CDH12: variants seen among roughly 807,000 people sequenced by gnomAD.
The protein encoded by CDH12 is cadherin 12, also known as cadherin-12.
Under a neutral mutation model 74.1 loss-of-function variants are expected in CDH12, and 41 were observed. That is an observed-to-expected ratio of 0.55 (90% CI 0.43 to 0.72). The LOEUF (loss-of-function observed/expected upper bound fraction) is 0.72, where lower values mean the gene tolerates loss of function less well. CDH12 is among the 30% of genes least tolerant of loss of function. The pLI is 0.00. For synonymous variants in CDH12, 399 were observed against 355.0 expected (o/e 1.12, Z -1.39); for missense variants, 945 against 977.2 (o/e 0.97, Z 0.44).
intron 3 of CDH12, among the ~76,000 whole-genome samples, chr5:22,321,239 C>A (rs1738864874): frequency 6.6e-6 from 1 of 150,972 alleles, no homozygotes; most frequent in Admixed American, 6.6e-5. Context: ...GACTTGGAAC[C>A]AACCCAAATG....
intron 5 of CDH12, among the ~76,000 whole-genome samples, chr5:22,049,611 A>G (rs940711278): frequency 6.6e-6 from 1 of 152,004 alleles, no homozygotes; most frequent in African/African-American, 2.4e-5. Flanking sequence ...AATTACTCTT[A>G]TCATTTCTTT....
intron 5 of CDH12, among the ~76,000 whole-genome samples, chr5:21,976,512 G>T (rs1561342308): frequency 6.7e-6 from 1 of 150,062 alleles, no homozygotes; most frequent in Non-Finnish European, 1.5e-5. Flanking sequence ...GTATATATTT[G>T]TATAAATATA....
chr5:22,262,372 G>A (rs1251693554), intron 3 of CDH12, among the ~76,000 whole-genome samples: 1 of 149,802 alleles, frequency 6.7e-6, no homozygotes, highest in African/African-American at 2.5e-5. Context: ...TGAGGTGTTT[G>A]GTTTTTTGTT....
chr5:21,950,189 C>G (rs1401873147), intron 6 of CDH12, among the ~76,000 whole-genome samples: 3 of 152,080 alleles, frequency 2.0e-5, no homozygotes, highest in African/African-American at 7.2e-5. Context: ...AGCCTAGGAT[C>G]AACAGGCTGT....
intron 7 of CDH12, among the ~76,000 whole-genome samples, chr5:21,853,551 A>C (rs1285817292): frequency 6.6e-6 from 1 of 151,670 alleles, no homozygotes. Context: ...AAAGTTTTGC[A>C]GATTTTGCAC....
intron 12 of CDH12, among the ~76,000 whole-genome samples, chr5:21,760,952 A>G (rs929065720): frequency 6.6e-6 from 1 of 152,174 alleles, no homozygotes; most frequent in African/African-American, 2.4e-5. Flanking sequence ...CTAATAAGCA[A>G]AGTAAAATTA....
At chr5:22,613,703 C>G (rs1288338358) in intron 1 of CDH12, among the ~76,000 whole-genome samples, 1 of 152,006 alleles carries the variant, frequency 6.6e-6, no homozygotes, top group African/African-American at 2.4e-5. Context: ...AAAATAAAAT[C>G]TAACTTGGCA....
intron 4 of CDH12, among the ~76,000 whole-genome samples, chr5:22,099,629 T>A (rs1744019722): frequency 6.6e-6 from 1 of 152,156 alleles, no homozygotes; most frequent in African/African-American, 2.4e-5. Flanking sequence ...CAACTACTCA[T>A]AAATGCCCTG....
intron 4 of CDH12, among the ~76,000 whole-genome samples, chr5:22,128,773 T>C (rs1268348639): frequency 6.6e-6 from 1 of 152,172 alleles, no homozygotes. Context: ...AGGAGGAATA[T>C]TTGGAACAAG....
chr5:22,031,461 C>T (rs1738820326), intron 5 of CDH12, among the ~76,000 whole-genome samples: 1 of 152,138 alleles, frequency 6.6e-6, no homozygotes, highest in Admixed American at 6.6e-5. Context: ...TTCATGTGTT[C>T]GTGGAGTAGC....
At chr5:22,479,400 G>T (rs1746296823) in intron 2 of CDH12, among the ~76,000 whole-genome samples, 1 of 152,132 alleles carries the variant, frequency 6.6e-6, no homozygotes. Flanking sequence ...GACACTAAAA[G>T]AAAAAGACAC....
chr5:21,880,494 C>T (rs1752194748), intron 6 of CDH12, among the ~76,000 whole-genome samples: 2 of 52,184 alleles, frequency 3.8e-5, no homozygotes, highest in Middle Eastern at 0.014. Flanking sequence ...TTCCTTCCTT[C>T]CTTCCTTCCT....
chr5:21,815,123 T>G (rs1039924804), intron 9 of CDH12, among the ~76,000 whole-genome samples: 6 of 152,152 alleles, frequency 3.9e-5, no homozygotes. Context: ...ATGTGTTTCT[T>G]TTTAAGAGTA....
At chr5:22,075,721 C>T (rs1407906214) in intron 5 of CDH12, among the ~76,000 whole-genome samples, 1 of 151,966 alleles carries the variant, frequency 6.6e-6, no homozygotes, top group African/African-American at 2.4e-5. Context: ...TTGGGGGAGT[C>T]AAAAGTTTCA....
At chr5:22,594,452 T>G (rs1362601323) in intron 1 of CDH12, among the ~76,000 whole-genome samples, 1 of 152,208 alleles carries the variant, frequency 6.6e-6, no homozygotes, top group African/African-American at 2.4e-5. Context: ...GTTCCTACAG[T>G]GAACATAGTA....
At chr5:21,885,848 C>T (rs1752601544) in intron 6 of CDH12, among the ~76,000 whole-genome samples, 2 of 152,100 alleles carry the variant, frequency 1.3e-5, no homozygotes, top group African/African-American at 4.8e-5. Flanking sequence ...TCTCCATGCA[C>T]CTTCTTTCCT....
chr5:22,633,297 G>C lies in CDH12; in HGVS notation c.-522-127933C>G, dbSNP rs956094807. ...AGGCAAAGGTAATAACTCAGGTAAG[G>C]CAACTATAAAAGTTATATGAAAGTG... On this transcript the variant is annotated intron_variant, in intron 1 of 14. Coordinates refer to ENST00000382254, the MANE Select transcript of CDH12 (RefSeq NM_004061.5). Among the ~76,000 whole-genome samples the C allele has an allele frequency of 3.3e-5, 5 of 152,138 alleles. No individual in the cohort carries two copies. In the East Asian group the frequency reaches 9.7e-4, roughly 29 times the overall value.
At position 22,770,391 on chromosome 5, in the gene CDH12, A is replaced by G. The variant is rs943010370; in HGVS notation, c.-523+82667T>C. ...TGTCAGCAACTCCTGTACATTGCCC[A>G]TAATTGAGAATCTATATATTTATTT... On this transcript the variant is annotated intron_variant, in intron 1 of 14. Transcript: ENST00000382254. Among the ~76,000 whole-genome samples the G allele has an allele frequency of 2.0e-5, 3 of 152,124 alleles. No homozygotes were observed. In the South Asian group the frequency reaches 6.2e-4, roughly 31 times the overall value.
chr5:22,478,340 C>G (rs1486133142), intron 2 of CDH12, among the ~76,000 whole-genome samples: 1 of 148,200 alleles, frequency 6.7e-6, no homozygotes, highest in Admixed American at 6.9e-5. Flanking sequence ...ATGGCGTGAA[C>G]CTGGGAGGCG....
Sources: allele counts gnomAD v4.1 joint callset (sites outside exome capture counted in the v4.1 genomes callset), GRCh38; gene constraint gnomAD v4.1.1; transcripts MANE v1.5; gene names NCBI Gene and HGNC (gene_info 2026-07-23, HGNC 2026-07-21).